Variants in FER observed in about 807,000 individuals in gnomAD.
FER encodes FER tyrosine kinase, also known as tyrosine-protein kinase Fer.
In FER, 63 loss-of-function variants were observed where a neutral mutation model predicts 111.0. The observed-to-expected ratio is 0.57, with a 90% CI of 0.46 to 0.70. The LOEUF is 0.70. Ranked by LOEUF, FER falls within the 30% of genes least tolerant of loss-of-function variation. The probability of loss-of-function intolerance (pLI) is 0.00; values close to 1 mark genes in which losing one functional copy is unlikely to be tolerated. For synonymous variants in FER, 327 were observed against 313.9 expected, an observed-to-expected ratio of 1.04 and a Z score of -0.44; for missense variants, 914 against 954.0, an observed-to-expected ratio of 0.96 and a Z score of 0.55.
intron 16 of FER, among the ~76,000 whole-genome samples, chr5:109,097,907 C>T (rs1747736670): frequency 6.6e-6 from 1 of 151,760 alleles, no homozygotes; most frequent in East Asian, 1.9e-4. Context: ...AAAAAGCTGA[C>T]TAGGCTTGTG....
intron 13 of FER, among the ~76,000 whole-genome samples, chr5:108,983,051 C>T (rs1376393975): frequency 1.6e-4 from 24 of 151,954 alleles, no homozygotes; most frequent in Non-Finnish European, 7.4e-5. Flanking sequence ...ATATTTTGTG[C>T]CATTGTGTTC....
At chr5:109,032,934 A>G (rs2149867728) in intron 13 of FER, among the ~76,000 whole-genome samples, 1 of 152,312 alleles carries the variant, frequency 6.6e-6, no homozygotes, top group Middle Eastern at 3.4e-3. Flanking sequence ...GTCTAAGTCA[A>G]TCTGTTGTAG....
At chr5:108,844,110 GTGTGTGAACACATATA>G in intron 5 of FER, among the ~76,000 whole-genome samples, 1 of 147,518 alleles carries the variant, frequency 6.8e-6, no homozygotes, top group East Asian at 2.0e-4. Context: ...GTGTGAACAT[GTGTGTGAACACATATA>G]TGTGTGTGAA....
intron 2 of FER, among the ~76,000 whole-genome samples, chr5:108,790,613 A>G (rs1006118506): frequency 6.6e-6 from 1 of 152,228 alleles, no homozygotes; most frequent in Non-Finnish European, 1.5e-5. Flanking sequence ...TGATCTTTAG[A>G]TAATTATAAG....
At chr5:108,825,240 G>A (rs1759329709) in intron 3 of FER, among the ~76,000 whole-genome samples, 1 of 152,168 alleles carries the variant, frequency 6.6e-6, no homozygotes, top group South Asian at 2.1e-4. Flanking sequence ...ATAAGCCTGG[G>A]AGCGCTATGG....
intron 10 of FER, among the ~76,000 whole-genome samples, chr5:108,923,565 G>T (rs977412352): frequency 2.0e-5 from 3 of 152,084 alleles, no homozygotes; most frequent in African/African-American, 7.2e-5. Flanking sequence ...CTGGCATCTA[G>T]TAGTTGTATC....
At chr5:109,012,722 A>C (rs149749389) in intron 13 of FER, among the ~76,000 whole-genome samples, 60 of 152,374 alleles carry the variant, frequency 3.9e-4, no homozygotes, top group Admixed American at 1.2e-3. Context: ...ATGGCTCAGC[A>C]TAACTGCTAA....
chr5:108,990,648 G>A (rs79191986), intron 13 of FER, among the ~76,000 whole-genome samples: 18 of 151,582 alleles, frequency 1.2e-4, no homozygotes, highest in Non-Finnish European at 1.9e-4. Context: ...CTATATTTGG[G>A]AGTTGAAAGA....
intron 5 of FER, among the ~76,000 whole-genome samples, chr5:108,855,546 G>A (rs542597143): frequency 4.0e-5 from 6 of 150,980 alleles, no homozygotes; most frequent in Non-Finnish European, 5.9e-5. Context: ...GCGTGAACCC[G>A]GGAGGCGGAA....
At chr5:108,998,076 GGT>G (rs983578028) in intron 13 of FER, among the ~76,000 whole-genome samples, 3 of 151,646 alleles carry the variant, frequency 2.0e-5, no homozygotes, top group African/African-American at 4.9e-5. Flanking sequence ...AGGCTCCGTG[GGT>G]GTGGGACCTG....
At chr5:108,936,943 A>G (rs959412812) in intron 10 of FER, among the ~76,000 whole-genome samples, 2 of 151,986 alleles carry the variant, frequency 1.3e-5, no homozygotes, top group Admixed American at 1.3e-4. Context: ...AGGGATAACT[A>G]CAGATTCTTA....
chr5:109,091,223 A>G lies in FER; in HGVS notation c.1925-9173A>G, dbSNP rs558269242. On this transcript the variant is annotated intron_variant, in intron 16 of 19. Transcript: ENST00000281092. ...ATATTATCAGGACCTTGAGGGCAGTACACTTTTAAGGGGGCTGGGGAACCC... is the reference window on the plus strand; with the variant it reads ...ATATTATCAGGACCTTGAGGGCAGTGCACTTTTAAGGGGGCTGGGGAACCC... Among the ~76,000 whole-genome samples the G allele has an allele frequency of 2.0e-5, 3 of 152,338 alleles. No individual in the cohort carries two copies. In the East Asian group the frequency reaches 5.8e-4, roughly 29 times the overall value.
intron 11 of FER, among the ~76,000 whole-genome samples, chr5:108,949,514 A>T (rs1259006939): frequency 6.6e-6 from 1 of 152,090 alleles, no homozygotes; most frequent in South Asian, 2.1e-4. Context: ...TATTACATGT[A>T]ATTTTTCTTA....
chr5:109,074,504 A>G (rs1054277587), intron 16 of FER, among the ~76,000 whole-genome samples: 2 of 152,260 alleles, frequency 1.3e-5, no homozygotes, highest in African/African-American at 4.8e-5. Flanking sequence ...AATTTAATTT[A>G]AATTTTCCCT....
intron 2 of FER, among the ~76,000 whole-genome samples, chr5:108,777,742 C>T (rs755734281): frequency 1.3e-5 from 2 of 152,176 alleles, no homozygotes; most frequent in African/African-American, 2.4e-5. Flanking sequence ...GGAGGCCTCA[C>T]AATCATGGTG....
At chr5:108,919,143 T>A (rs146180516) in intron 10 of FER, among the ~76,000 whole-genome samples, 1 of 152,290 alleles carries the variant, frequency 6.6e-6, no homozygotes, top group Non-Finnish European at 1.5e-5. Flanking sequence ...TAATTTTCAA[T>A]GTTAAACTTC....
At chr5:108,853,557 T>A (rs1372870703) in intron 5 of FER, among the ~76,000 whole-genome samples, 2 of 152,180 alleles carry the variant, frequency 1.3e-5, no homozygotes, top group Admixed American at 6.5e-5. Context: ...CATGTGATCA[T>A]CTGTAGCAAA....
intron 1 of FER, among the ~76,000 whole-genome samples, chr5:108,760,144 G>T (rs1460712461): frequency 2.0e-5 from 3 of 146,430 alleles, no homozygotes; most frequent in African/African-American, 7.8e-5. Flanking sequence ...ATAATATTTT[G>T]AAAGCAGTCT....
At chr5:108,867,430 C>G (rs1261126047) in intron 5 of FER, among the ~76,000 whole-genome samples, 2 of 152,044 alleles carry the variant, frequency 1.3e-5, no homozygotes, top group African/African-American at 4.8e-5. Context: ...TTCTTGGTTT[C>G]TTGGTTTTAC....
Sources: gnomAD v4.1 joint callset for allele counts (sites outside exome capture counted in the v4.1 genomes callset) on GRCh38, gnomAD v4.1.1 for gene constraint, MANE v1.5 for transcripts, NCBI Gene and HGNC (gene_info 2026-07-23, HGNC 2026-07-21) for gene names.